The following SNX24 variants were observed in gnomAD, a reference collection of about 807,000 sequenced individuals.
The protein encoded by SNX24 is sorting nexin 24.
A neutral mutation model predicts 28.7 loss-of-function variants in SNX24; 22 were observed. That is an observed-to-expected ratio of 0.77 (90% CI 0.55 to 1.10). The LOEUF is 1.10. Ranked by LOEUF, SNX24 falls within the 50% of genes least tolerant of loss-of-function variation. The pLI is 0.00. For synonymous variants in SNX24, 69 were observed against 71.5 expected (o/e 0.96, Z 0.18); for missense variants, 221 against 201.1 (o/e 1.10, Z -0.60).
intron 2 of SNX24, among the ~76,000 whole-genome samples, chr5:122,941,435 T>C (rs886415720): frequency 6.6e-6 from 1 of 152,210 alleles, no homozygotes; most frequent in Non-Finnish European, 1.5e-5. Flanking sequence ...ATCTTTGCCA[T>C]GTCGAATGTC....
intron 1 of SNX24, among the ~76,000 whole-genome samples, chr5:122,880,546 T>C (rs1252665457): frequency 1.3e-5 from 2 of 152,208 alleles, no homozygotes; most frequent in African/African-American, 4.8e-5. Flanking sequence ...TCAACCCTTC[T>C]AACTGAGTGC....
At chr5:122,930,559 G>T (rs1363589552) in intron 1 of SNX24, among the ~76,000 whole-genome samples, 1 of 152,162 alleles carries the variant, frequency 6.6e-6, no homozygotes, top group African/African-American at 2.4e-5. Context: ...GGGTGGGTAG[G>T]TGTGGACATC....
chr5:122,957,225 T>C (rs780511844), intron 3 of SNX24, among the ~76,000 whole-genome samples: 1 of 152,208 alleles, frequency 6.6e-6, no homozygotes, highest in Non-Finnish European at 1.5e-5. Flanking sequence ...GTTTCATTCT[T>C]TTGCATGTGG....
intron 1 of SNX24, among the ~76,000 whole-genome samples, chr5:122,879,590 A>T (rs1756384702): frequency 6.6e-6 from 1 of 152,204 alleles, no homozygotes; most frequent in Admixed American, 6.5e-5. Context: ...AAGCTGTGAG[A>T]CATTGAGTGA....
intron 3 of SNX24, among the ~76,000 whole-genome samples, chr5:122,978,378 C>T (rs984225467): frequency 3.3e-5 from 5 of 152,254 alleles, no homozygotes; most frequent in South Asian, 2.1e-4. Flanking sequence ...AAACAAAAGC[C>T]GTCTTCTCAG....
In SNX24 at chr5:123,001,406, T is replaced by C. The variant is rs771883416; in HGVS notation, c.346T>C (p.Ser116Pro). 2 of 1,602,082 alleles carry C rather than the reference T, an allele frequency of 1.2e-6. No homozygotes were observed. The highest frequency in any genetic ancestry group is 2.2e-5 in the South Asian group (2 of 90,094). ...PSLPKAESCG[S>P]FDETESEESS... ...TTTTTCCTTTTTCAAAACTTTTAGATCTTTTGATGAAACAGAGTCTGAAGA... is the reference window on the plus strand; with the variant it reads ...TTTTTCCTTTTTCAAAACTTTTAGACCTTTTGATGAAACAGAGTCTGAAGA... The change falls in exon 5 of 7, where the codon TCT becomes CCT. Residue 116 changes from serine to proline, a missense_variant and splice_region_variant. By Grantham distance (74) the Ser-to-Pro change is moderately conservative. Transcript: ENST00000261369.
intron 1 of SNX24, among the ~76,000 whole-genome samples, chr5:122,899,497 T>C (rs26370): frequency 0.81 from 123,571 of 152,140 alleles, 51,081 homozygotes; most frequent in East Asian, 0.99. Flanking sequence ...AATCCTCGAA[T>C]TCGCAGGCTC....
chr5:122,920,170 G>A (rs1581749332), intron 1 of SNX24, among the ~76,000 whole-genome samples: 1 of 152,180 alleles, frequency 6.6e-6, no homozygotes, highest in African/African-American at 2.4e-5. Context: ...TGGATGAGAA[G>A]GCATGTGAAA....
chr5:122,846,812 T>C (rs1197997990), intron 1 of SNX24, among the ~76,000 whole-genome samples: 1 of 152,194 alleles, frequency 6.6e-6, no homozygotes, highest in East Asian at 1.9e-4. Flanking sequence ...GTGCTTTCCT[T>C]GGGAAGGAAA....
intron 5 of SNX24, chr5:123,026,002 T>C (rs760144573): frequency 1.9e-6 from 3 of 1,551,520 alleles, no homozygotes; most frequent in Non-Finnish European, 2.6e-6. Context: ...TCAACAGATG[T>C]CTTCCAAAAG....
intron 1 of SNX24, among the ~76,000 whole-genome samples, chr5:122,851,949 A>G (rs909914871): frequency 3.3e-5 from 5 of 152,050 alleles, no homozygotes; most frequent in Non-Finnish European, 7.4e-5. Flanking sequence ...AAAATTATCA[A>G]TACCTTAATA....
At chr5:122,912,958 A>T (rs1450841058) in intron 1 of SNX24, among the ~76,000 whole-genome samples, 1 of 152,086 alleles carries the variant, frequency 6.6e-6, no homozygotes, top group Non-Finnish European at 1.5e-5. Context: ...AACAAAGCAC[A>T]TCTTGCACCG....
chr5:122,994,813 A>G (rs974722399), intron 3 of SNX24, among the ~76,000 whole-genome samples: 4 of 152,218 alleles, frequency 2.6e-5, no homozygotes, highest in Admixed American at 6.5e-5. Flanking sequence ...AGAGAAAGTC[A>G]TTTATTCTTA....
At chr5:122,875,627 C>T (rs954290433) in intron 1 of SNX24, among the ~76,000 whole-genome samples, 6 of 152,190 alleles carry the variant, frequency 3.9e-5, no homozygotes, top group African/African-American at 7.2e-5. Flanking sequence ...GTGCAAGGCA[C>T]GTATCAAGTT....
intron 1 of SNX24, among the ~76,000 whole-genome samples, chr5:122,854,278 G>GATCA (rs1755067558): frequency 6.6e-6 from 1 of 152,142 alleles, no homozygotes; most frequent in African/African-American, 2.4e-5. Context: ...GGAGGCTGAG[G>GATCA]CGGGTGGATC....
intron 3 of SNX24, among the ~76,000 whole-genome samples, chr5:122,979,456 CAAG>C (rs1761305481): frequency 7.9e-6 from 1 of 126,802 alleles, no homozygotes; most frequent in Non-Finnish European, 1.7e-5. Flanking sequence ...GGGTGGAAGC[CAAG>C]AAGGGCTTAT....
chr5:122,942,458 C>T (rs1249889830), intron 2 of SNX24, among the ~76,000 whole-genome samples: 5 of 152,192 alleles, frequency 3.3e-5, no homozygotes, highest in East Asian at 1.9e-4. Flanking sequence ...AAGTGTTTCC[C>T]GCTTCTTTAA....
Position 122,945,789 on chromosome 5 carries a change from T to G in SNX24, c.145-266T>G, listed in dbSNP as rs541264178. Among the ~76,000 whole-genome samples the G allele has an allele frequency of 3.9e-3, 593 of 152,270 alleles. 4 individuals carry two copies. The highest frequency in any genetic ancestry group is 0.013 in the African/African-American group (549 of 41,562). ...ATTCATTTATTAGGCTTTTAATTTT[T>G]CAGGAAAAAGGATTTCAATCTGAAA... is the stretch of plus-strand genomic sequence containing the variant. On this transcript the variant is annotated intron_variant, in intron 2 of 6. Transcript: ENST00000261369.
At chr5:122,964,247 CAAAAAAAAAA>C (rs34174497) in intron 3 of SNX24, among the ~76,000 whole-genome samples, 7 of 36,586 alleles carry the variant, frequency 1.9e-4, no homozygotes, top group African/African-American at 3.3e-4. Context: ...GACTCCATCT[CAAAAAAAAAA>C]AAAAAAAAAA....
Sources: allele counts gnomAD v4.1 joint callset (sites outside exome capture counted in the v4.1 genomes callset), GRCh38; gene constraint gnomAD v4.1.1; transcripts MANE v1.5; gene names NCBI Gene and HGNC (gene_info 2026-07-23, HGNC 2026-07-21).